The following TMEM178B variants were observed in gnomAD, a reference collection of about 807,000 sequenced individuals.
TMEM178B encodes transmembrane protein 178B.
TMEM178B carries 5 observed loss-of-function variants against 31.0 expected under a neutral mutation model. The ratio of observed to expected loss-of-function variants is 0.16; its 90% CI spans 0.08 to 0.34. TMEM178B has a LOEUF of 0.34. Ranked by LOEUF, TMEM178B falls within the 10% of genes least tolerant of loss-of-function variation. The pLI is 1.00. For missense variants in TMEM178B, 275 were observed against 400.3 expected (o/e 0.69, Z 2.67); for synonymous variants, 164 against 164.0 (o/e 1.00, Z 0.00).
chr7:141,332,319 A>T (rs567353005), intron 2 of TMEM178B, among the ~76,000 whole-genome samples: 1 of 152,358 alleles, frequency 6.6e-6, no homozygotes, highest in Admixed American at 6.5e-5. Flanking sequence ...ACAAAAGGAA[A>T]ATAAGCCTCC....
chr7:141,216,987 G>A (rs956601766), intron 2 of TMEM178B, among the ~76,000 whole-genome samples: 1 of 152,152 alleles, frequency 6.6e-6, no homozygotes, highest in African/African-American at 2.4e-5. Flanking sequence ...GAGGGGACAG[G>A]CAGCTGCAGG....
intron 1 of TMEM178B, among the ~76,000 whole-genome samples, chr7:141,182,463 CAT>C (rs1250756429): frequency 6.6e-6 from 1 of 152,162 alleles, no homozygotes; most frequent in Non-Finnish European, 1.5e-5. Context: ...TTTTAACAAA[CAT>C]ATGTCAAGAA....
At chr7:141,257,263 G>A (rs929947332) in intron 2 of TMEM178B, among the ~76,000 whole-genome samples, 15 of 152,070 alleles carry the variant, frequency 9.9e-5, no homozygotes, top group African/African-American at 3.6e-4. Flanking sequence ...GAAACTAGCT[G>A]GTTGTTGGTG....
At chr7:141,337,035 C>T (rs965843081) in intron 2 of TMEM178B, among the ~76,000 whole-genome samples, 7 of 82,586 alleles carry the variant, frequency 8.5e-5, no homozygotes, top group Admixed American at 1.1e-4. Context: ...ATCACCACCA[C>T]CACCACCACC....
At chr7:141,498,445 A>AAGTTG in the TMEM178B span, among the ~76,000 whole-genome samples, 1 of 152,224 alleles carries the variant, frequency 6.6e-6, no homozygotes, top group Admixed American at 6.5e-5. Context: ...AGTCCTTGGC[A>AAGTTG]TCTTGTGACA....
chr7:141,408,402 T>TG (rs1406408382), intron 2 of TMEM178B, among the ~76,000 whole-genome samples: 1 of 152,206 alleles, frequency 6.6e-6, no homozygotes, highest in African/African-American at 2.4e-5. Context: ...AGAGAGTTTG[T>TG]GAAAAAAGAG....
intron 3 of TMEM178B, among the ~76,000 whole-genome samples, chr7:141,468,036 A>G (rs1432526003): frequency 6.6e-6 from 1 of 151,484 alleles, no homozygotes; most frequent in Non-Finnish European, 1.5e-5. Context: ...TTGATAGATT[A>G]TCATTATGCT....
intron 1 of TMEM178B, among the ~76,000 whole-genome samples, chr7:141,137,892 GAC>G (rs779716948): frequency 2.6e-5 from 4 of 152,232 alleles, no homozygotes; most frequent in Non-Finnish European, 4.4e-5. Flanking sequence ...CTTCTGAGTT[GAC>G]ACAGTATTTA....
chr7:141,321,400 G>T (rs960650944), intron 2 of TMEM178B, among the ~76,000 whole-genome samples: 1 of 152,142 alleles, frequency 6.6e-6, no homozygotes, highest in Non-Finnish European at 1.5e-5. Flanking sequence ...GACATTTGTT[G>T]GGTGTCATGC....
chr7:141,396,346 C>T (rs779634859), intron 2 of TMEM178B, among the ~76,000 whole-genome samples: 2 of 152,208 alleles, frequency 1.3e-5, no homozygotes, highest in Non-Finnish European at 2.9e-5. Flanking sequence ...ACCACTTTCC[C>T]ATCGCCCATG....
intron 1 of TMEM178B, among the ~76,000 whole-genome samples, chr7:141,210,088 C>T (rs778812391): frequency 5.8e-4 from 88 of 152,142 alleles, no homozygotes; most frequent in Admixed American, 2.0e-3. Context: ...TCTGGTTAGA[C>T]AGTCCTGGGT....
intron 2 of TMEM178B, among the ~76,000 whole-genome samples, chr7:141,297,649 T>G (rs1798658205): frequency 6.6e-6 from 1 of 152,196 alleles, no homozygotes; most frequent in Non-Finnish European, 1.5e-5. Flanking sequence ...GAATGATGGT[T>G]TCCAGCTTCA....
chr7:141,147,886 G>A (rs1172579385), intron 1 of TMEM178B, among the ~76,000 whole-genome samples: 1 of 152,202 alleles, frequency 6.6e-6, no homozygotes, highest in East Asian at 1.9e-4. Flanking sequence ...TGAAGCTAGG[G>A]ATGAAGATAA....
At chr7:141,321,759 A>T (rs1799102354) in intron 2 of TMEM178B, among the ~76,000 whole-genome samples, 1 of 151,956 alleles carries the variant, frequency 6.6e-6, no homozygotes, top group Admixed American at 6.6e-5. Context: ...ACCTTTTAAA[A>T]TCAGCTTTTA....
chr7:141,327,219 TC>T (rs1799207458), intron 2 of TMEM178B, among the ~76,000 whole-genome samples: 1 of 152,108 alleles, frequency 6.6e-6, no homozygotes, highest in African/African-American at 2.4e-5. Context: ...CCCAGAAAAA[TC>T]CCATAATGGG....
intron 1 of TMEM178B, among the ~76,000 whole-genome samples, chr7:141,147,349 G>A (rs1016571698): frequency 6.6e-6 from 1 of 152,068 alleles, no homozygotes; most frequent in Non-Finnish European, 1.5e-5. Flanking sequence ...GAGGCTGGGT[G>A]GTAGGGGTGG....
At chr7:141,203,243 T>G (rs949083645) in intron 1 of TMEM178B, among the ~76,000 whole-genome samples, 5 of 152,224 alleles carry the variant, frequency 3.3e-5, no homozygotes, top group African/African-American at 1.2e-4. Flanking sequence ...GTGGTTTTTT[T>G]CCATGTGCTC....
At chr7:141,434,558 A>G (rs1290467347) in intron 2 of TMEM178B, among the ~76,000 whole-genome samples, 1 of 152,208 alleles carries the variant, frequency 6.6e-6, no homozygotes, top group Non-Finnish European at 1.5e-5. Context: ...AATGCATAGA[A>G]TGTATAATGA....
At chr7:141,212,734 A>G (rs370696843) in intron 2 of TMEM178B, 30 bp downstream of exon 2, 9 of 1,510,424 alleles carry the variant, frequency 6.0e-6, no homozygotes, top group Non-Finnish European at 6.2e-6. Context: ...AGTGGCTGTG[A>G]CTGTGCTGTG....
Sources: allele counts gnomAD v4.1 joint callset (sites outside exome capture counted in the v4.1 genomes callset), GRCh38; gene constraint gnomAD v4.1.1; transcripts MANE v1.5; gene names NCBI Gene and HGNC (gene_info 2026-07-23, HGNC 2026-07-21).